The following TRANK1 variants were observed in gnomAD, a reference collection of about 807,000 sequenced individuals.
TRANK1 encodes the protein TPR and ankyrin repeat-containing protein 1.
In TRANK1, 198 loss-of-function variants were observed where a neutral mutation model predicts 266.0. The observed-to-expected ratio is 0.74, with a 90% CI of 0.66 to 0.84. The LOEUF (loss-of-function observed/expected upper bound fraction) is 0.84, where lower values mean the gene tolerates loss of function less well. TRANK1 is among the 40% of genes least tolerant of loss of function. The pLI, the probability that TRANK1 is intolerant of heterozygous loss-of-function variation, is 0.00. For synonymous variants in TRANK1, 1,396 were observed against 1,384.1 expected (o/e 1.01, Z -0.19); for missense variants, 3,326 against 3,634.6 (o/e 0.92, Z 2.18).
chr3:36,920,736 C>T (rs2080202475), intron 1 of TRANK1, among the ~76,000 whole-genome samples: 1 of 152,102 alleles, frequency 6.6e-6, no homozygotes, highest in Admixed American at 6.5e-5. Context: ...CAGAAAAGGA[C>T]AGGGCCCAAG....
At position 36,857,567 on chromosome 3, in the gene TRANK1, C is replaced by T. The variant is rs369479012; in HGVS notation, c.2155G>A (p.Glu719Lys). The T allele has an allele frequency of 6.2e-7, 1 of 1,614,042 alleles. No individual in the cohort carries two copies. The highest frequency in any genetic ancestry group is 1.3e-5 in the African/African-American group (1 of 75,062). ...TLPGTQVTRKEPGALRPCSLR... is the reference protein window; with the variant it reads ...TLPGTQVTRKKPGALRPCSLR... ...GAGCAGGGCCTGAGAGCTCCAGGCT[C>T]CTTCCTGGTCACCTGGGTACCTGGG... Residue 719 changes from glutamate to lysine, a missense_variant, in exon 13 of 24, where the codon GAG becomes AAG. Transcript: ENST00000645898. This position sits in a 1 kb window ranked among gnomAD's most constrained non-coding sequence, Gnocchi z 4.3.
chr3:36,896,370 A>G (rs2079789658), intron 4 of TRANK1, among the ~76,000 whole-genome samples: 1 of 152,250 alleles, frequency 6.6e-6, no homozygotes, highest in Non-Finnish European at 1.5e-5. Context: ...GTCAAGACTC[A>G]GAATAACTTG....
chr3:36,897,428 C>T (rs548629180), intron 4 of TRANK1, among the ~76,000 whole-genome samples: 43 of 152,348 alleles, frequency 2.8e-4, no homozygotes, highest in Non-Finnish European at 4.9e-4. Flanking sequence ...TATCTAGAGA[C>T]TTTCCACTTC....
At chr3:36,936,862 G>A (rs775606045) in intron 1 of TRANK1, among the ~76,000 whole-genome samples, 4 of 152,228 alleles carry the variant, frequency 2.6e-5, no homozygotes, top group Non-Finnish European at 5.9e-5. Context: ...AGCACTTTGG[G>A]AGACTGAGGC....
intron 8 of TRANK1, among the ~76,000 whole-genome samples, chr3:36,876,570 C>T (rs2079391031): frequency 6.6e-6 from 1 of 152,214 alleles, no homozygotes. Flanking sequence ...GACAGCCTGT[C>T]TGAAAACGAA....
rs572748776 is a variant in TRANK1, at chr3:36,880,828, G to A, written c.908-6532C>T. Reference sequence around the variant, plus strand: ...ATATGTATACATGTGCCATGTTGGTGTGCTGCACCCATTAACTCGTCATTT... The same window carrying A: ...ATATGTATACATGTGCCATGTTGGTATGCTGCACCCATTAACTCGTCATTT... On this transcript the variant is annotated intron_variant, in intron 8 of 23. Transcript: ENST00000645898. 4.0e-5 allele frequency: 6 copies of A among 151,506 alleles called. No homozygotes were observed. The East Asian group carries it at 9.8e-4, about 25-fold the overall frequency. The allele number at this position is 151,506 out of a possible 1,614,324, so 9.4% of individuals were successfully genotyped here.
intron 1 of TRANK1, among the ~76,000 whole-genome samples, chr3:36,910,257 T>G (rs1216437373): frequency 6.6e-6 from 1 of 152,084 alleles, no homozygotes; most frequent in Non-Finnish European, 1.5e-5. Flanking sequence ...GGAAAATAAT[T>G]AAAAGAATGA....
intron 1 of TRANK1, among the ~76,000 whole-genome samples, chr3:36,932,177 G>A (rs933026166): frequency 9.9e-5 from 15 of 152,072 alleles, no homozygotes; most frequent in African/African-American, 3.4e-4. Context: ...CCTATATATC[G>A]AAAGGCACTG....
In TRANK1 at chr3:36,895,628, C is replaced by A; in HGVS notation, c.552+12G>T. 1 of 1,488,668 alleles carries A rather than the reference C, an allele frequency of 6.7e-7. No individual in the cohort carries two copies. Among genetic ancestry groups the A allele is most frequent in the Non-Finnish European group, 9.0e-7 (1 of 1,107,586 alleles). The allele number at this position is 1,488,668 out of a possible 1,614,324, so 92.2% of individuals were successfully genotyped here. On this transcript the variant is annotated intron_variant, in intron 5 of 23. Transcript: ENST00000645898. ...TGTACTCTCCCCGTGAGAGCCATCT[C>A]CTTTTACTTACATGCCATAATCCTT... is the stretch of plus-strand genomic sequence containing the variant.
At chr3:36,902,432 T>A (rs1261803255) in intron 3 of TRANK1, among the ~76,000 whole-genome samples, 1 of 152,232 alleles carries the variant, frequency 6.6e-6, no homozygotes, top group Non-Finnish European at 1.5e-5. Flanking sequence ...CTGAATGTAG[T>A]GCTCTTTTTC....
chr3:36,910,464 G>T (rs2080035303), intron 1 of TRANK1, among the ~76,000 whole-genome samples: 1 of 152,176 alleles, frequency 6.6e-6, no homozygotes, highest in Non-Finnish European at 1.5e-5. Flanking sequence ...TTGTGGCTGG[G>T]CACAGTGGCT....
chr3:36,874,255 C>A lies in TRANK1; in HGVS notation c.949G>T (p.Asp317Tyr). 6.5e-7 allele frequency: 1 copy of A among 1,537,202 alleles called. No homozygotes were observed. Among genetic ancestry groups the A allele is most frequent in the Non-Finnish European group, 8.7e-7 (1 of 1,146,892 alleles). ...GACTGTCGATCCAGCAAAGTGGGATCTGCCCCAAAGCGCAGGAGCATCTGC... is the reference window on the plus strand; with the variant it reads ...GACTGTCGATCCAGCAAAGTGGGATATGCCCCAAAGCGCAGGAGCATCTGC... Reference protein sequence around the residue: ...DVQMLLRFGADPTLLDRQSRS... With the variant: ...DVQMLLRFGAYPTLLDRQSRS... The change falls in exon 9 of 24, where the codon GAT (aspartate) becomes TAT (tyrosine). Residue 317 changes from aspartate (D) to tyrosine (Y), a missense_variant. Transcript: ENST00000645898.
rs751036729 is a variant in TRANK1, at chr3:36,858,771, G to T, written c.1619C>A (p.Thr540Lys). 6.5e-7 allele frequency: 1 copy of T among 1,537,092 alleles called. No individual in the cohort carries two copies. The highest frequency in any genetic ancestry group is 8.7e-7 in the Non-Finnish European group (1 of 1,146,814). ...KGADPRAISLTEGDTPLHAAL... is the reference protein window; with the variant it reads ...KGADPRAISLKEGDTPLHAAL... Reference sequence around the variant, plus strand: ...TGCATGCAAAGGAGTATCACCTTCCGTGAGAGAAATAGCACGGGGGTCTGC... The same window carrying T: ...TGCATGCAAAGGAGTATCACCTTCCTTGAGAGAAATAGCACGGGGGTCTGC... The change falls in exon 12 of 24, where the codon ACG becomes AAG. Residue 540 changes from threonine to lysine, a missense_variant. Coordinates refer to ENST00000645898, the MANE Select transcript of TRANK1 (RefSeq NM_001329998.2).
chr3:36,868,191 T>C (rs937864089), intron 9 of TRANK1, among the ~76,000 whole-genome samples: 2 of 152,226 alleles, frequency 1.3e-5, no homozygotes, highest in African/African-American at 4.8e-5. Context: ...ATAGCTCACA[T>C]TTATTTCCAT....
At chr3:36,850,879 T>C (rs549816091) in intron 15 of TRANK1, 143 of 985,448 alleles carry the variant, frequency 1.5e-4, no homozygotes, top group Admixed American at 1.8e-4. Flanking sequence ...ACATAGCCCC[T>C]TCAAGCATGC....
In TRANK1 at chr3:36,861,012, G is replaced by A; in HGVS notation, c.1389C>T (p.Ile463=). ...SGEPPLGDCL[I]KDCNFSDLDI... ...CGAGGTCTGAGAAGTTGCAGTCTTT[G>A]ATGAGGCAATCCCCAAGCGGTGGTT... Residue 463 remains isoleucine (I), a synonymous_variant, in exon 11 of 24, where the codon ATC becomes ATT. Transcript: ENST00000645898. The A allele has an allele frequency of 6.5e-7, 1 of 1,537,880 alleles. No homozygotes were observed. The highest frequency in any genetic ancestry group is 1.4e-5 in the African/African-American group (1 of 73,160).
At chr3:36,838,739 T>C (rs2078804112) in intron 18 of TRANK1, 23 bp from the exon 19 acceptor site, 3 of 1,604,614 alleles carry the variant, frequency 1.9e-6, no homozygotes. Context: ...AAAAGTTTTA[T>C]TCCCAGCAAG....
chr3:36,843,934 C>A (rs900427128), intron 17 of TRANK1, among the ~76,000 whole-genome samples: 2 of 152,130 alleles, frequency 1.3e-5, no homozygotes, highest in Non-Finnish European at 2.9e-5. Context: ...TTAATTCCCA[C>A]GGCAAAACCC....
chr3:36,828,420 G>GGGAGGGAGGGAAGGAAAGAA (rs1559409653), intron 23 of TRANK1, 45 bp from the exon 24 acceptor site: 2 of 887,032 alleles, frequency 2.3e-6, no homozygotes, highest in Non-Finnish European at 1.8e-6. Flanking sequence ...AAAGAAGGGA[G>GGGAGGGAGGGAAGGAAAGAA]GGAGGGAGGG....
Sources: allele counts gnomAD v4.1 joint callset (sites outside exome capture counted in the v4.1 genomes callset), GRCh38; gene constraint gnomAD v4.1.1; non-coding constraint Gnocchi (gnomAD v3.1); transcripts MANE v1.5; gene names NCBI Gene and HGNC (gene_info 2026-07-23, HGNC 2026-07-21).